Variants in XPO4 observed in about 807,000 individuals in gnomAD.
XPO4 encodes the protein exportin-4.
In XPO4, 39 loss-of-function variants were observed where a neutral mutation model predicts 143.0. That is an observed-to-expected ratio of 0.27 (90% CI 0.21 to 0.36). The LOEUF (loss-of-function observed/expected upper bound fraction) is 0.36. Among genes scored for constraint, XPO4 ranks in the 10% least tolerant of loss-of-function variants. XPO4 has a pLI of 1.00. For synonymous variants in XPO4, 439 were observed against 474.0 expected (o/e 0.93, Z 0.96); for missense variants, 907 against 1,348.0 (o/e 0.67, Z 5.12).
At chr13:20,832,344 T>A (rs1404075333) in intron 6 of XPO4, among the ~76,000 whole-genome samples, 1 of 152,188 alleles carries the variant, frequency 6.6e-6, no homozygotes, top group Non-Finnish European at 1.5e-5. Flanking sequence ...GCAATTAAGT[T>A]TATCCACTAA....
chr13:20,787,302 T>G (rs1317498671), intron 21 of XPO4, among the ~76,000 whole-genome samples, 179 bp downstream of exon 21: 3 of 152,074 alleles, frequency 2.0e-5, no homozygotes, highest in Non-Finnish European at 4.4e-5. Flanking sequence ...ACACAAAAAA[T>G]AGAGGATGAG....
intron 4 of XPO4, among the ~76,000 whole-genome samples, chr13:20,846,685 C>T (rs1266237353): frequency 6.6e-6 from 1 of 152,030 alleles, no homozygotes; most frequent in Non-Finnish European, 1.5e-5. Flanking sequence ...CGTAGAAAAG[C>T]ACAACGAAAA....
Position 20,902,713 on chromosome 13 carries a change from G to T in XPO4, c.26C>A (p.Pro9Gln), listed in dbSNP as rs780029682. Residue 9 changes from proline to glutamine, a missense_variant, in exon 1 of 23, where the codon CCA (proline) becomes CAA (glutamine). Pro to Gln is a moderately conservative substitution (Grantham distance 76). Coordinates refer to ENST00000255305, the MANE Select transcript of XPO4 (RefSeq NM_022459.5). ...GTTCTCCAGCTGAGCGATCACTTCTGGGGGCCCCAGCGCCGCCGCCATCAT... is the reference window on the plus strand; with the variant it reads ...GTTCTCCAGCTGAGCGATCACTTCTTGGGGCCCCAGCGCCGCCGCCATCAT... MMAAALGP[P>Q]EVIAQLENAA... The T allele has an allele frequency of 6.4e-7, 1 of 1,566,170 alleles. No homozygotes were observed. Among genetic ancestry groups the T allele is most frequent in the South Asian group, 1.2e-5 (1 of 86,396 alleles).
chr13:20,852,672 A>T, intron 4 of XPO4: 1 of 975,180 alleles, frequency 1.0e-6, no homozygotes, highest in Middle Eastern at 5.3e-4. Flanking sequence ...ATTTATGGCA[A>T]CATGGAAAAT....
chr13:20,844,013 T>G (rs767603140), intron 4 of XPO4, 127 bp from the exon 5 acceptor site: 28 of 692,182 alleles, frequency 4.0e-5, no homozygotes, highest in Non-Finnish European at 7.0e-5. Flanking sequence ...TCTTTAGATC[T>G]TATAACAACT....
intron 4 of XPO4, chr13:20,851,201 T>C (rs1167096317): frequency 4.1e-6 from 4 of 985,326 alleles, no homozygotes; most frequent in Non-Finnish European, 4.8e-6. Context: ...AACTTCATTT[T>C]TTAGGCCTTC....
intron 4 of XPO4, among the ~76,000 whole-genome samples, chr13:20,850,544 A>G (rs1195542403): frequency 6.6e-6 from 1 of 152,250 alleles, no homozygotes; most frequent in East Asian, 1.9e-4. Context: ...CAGGAGGATC[A>G]CCTTGAGGTC....
At chr13:20,866,135 C>T in intron 2 of XPO4, 1 of 985,084 alleles carries the variant, frequency 1.0e-6, no homozygotes, top group Non-Finnish European at 1.2e-6. Flanking sequence ...AACATTTGAT[C>T]CTAAAAAATT....
chr13:20,834,289 G>A (rs75092421), intron 6 of XPO4, among the ~76,000 whole-genome samples: 2 of 152,150 alleles, frequency 1.3e-5, no homozygotes, highest in African/African-American at 4.8e-5. Context: ...CAGGATACAA[G>A]ATCAACATAC....
chr13:20,801,305 A>G (rs1297782913), intron 13 of XPO4, among the ~76,000 whole-genome samples: 4 of 152,248 alleles, frequency 2.6e-5, no homozygotes, highest in African/African-American at 7.2e-5. Context: ...GATTTTCAGG[A>G]GAAATACATC....
chr13:20,888,573 T>C (rs769066883), intron 1 of XPO4, among the ~76,000 whole-genome samples: 5 of 152,138 alleles, frequency 3.3e-5, no homozygotes, highest in Non-Finnish European at 7.4e-5. Flanking sequence ...CCCACTCTAG[T>C]CTCAAACTCC....
At chr13:20,826,833 G>T (rs948898882) in intron 7 of XPO4, among the ~76,000 whole-genome samples, 1 of 152,180 alleles carries the variant, frequency 6.6e-6, no homozygotes, top group Admixed American at 6.5e-5. Context: ...GAGGGGTCCT[G>T]AAATTAAAAG....
intron 1 of XPO4, among the ~76,000 whole-genome samples, chr13:20,891,746 C>T (rs1342570349): frequency 1.3e-5 from 2 of 151,732 alleles, no homozygotes; most frequent in Non-Finnish European, 2.9e-5. Context: ...GCCTGTAGTC[C>T]CAGCTACTCG....
In XPO4 at chr13:20,888,856, G is replaced by A. The variant is rs1342336047; in HGVS notation, c.69+13814C>T. ...TCGCTCTTGTTGCCCAAGCTGGAGTGCAATGGTGCAATCTCGGCTCACTGC... is the reference window on the plus strand; with the variant it reads ...TCGCTCTTGTTGCCCAAGCTGGAGTACAATGGTGCAATCTCGGCTCACTGC... On this transcript the variant is annotated intron_variant, in intron 1 of 22. Coordinates refer to ENST00000255305, the MANE Select transcript of XPO4 (RefSeq NM_022459.5). 2.0e-5 allele frequency among the ~76,000 whole-genome samples: 3 copies of A among 151,788 alleles called. No homozygotes were observed. The East Asian group carries it at 5.8e-4, about 29-fold the overall frequency.
At chr13:20,784,137 T>A (rs2059171788) in intron 22 of XPO4, among the ~76,000 whole-genome samples, 1 of 152,240 alleles carries the variant, frequency 6.6e-6, no homozygotes, top group African/African-American at 2.4e-5. Flanking sequence ...GTACTGTTTC[T>A]ATTCCCATTC....
chr13:20,837,563 G>A (rs748652008), intron 6 of XPO4, among the ~76,000 whole-genome samples: 2 of 152,056 alleles, frequency 1.3e-5, no homozygotes, highest in Non-Finnish European at 2.9e-5. Context: ...GTGCCACCAT[G>A]CCTGGCTAAT....
chr13:20,828,248 CAAACAAACAAA>C (rs545739895), intron 6 of XPO4, among the ~76,000 whole-genome samples: 176 of 152,136 alleles, frequency 1.2e-3, no homozygotes, highest in African/African-American at 4.0e-3. Context: ...TCAAAACAAA[CAAACAAACAAA>C]AAACAGTGGT....
At chr13:20,856,683 A>C in intron 3 of XPO4, 1 of 224,850 alleles carries the variant, frequency 4.4e-6, no homozygotes. Context: ...AAAGTGTCCC[A>C]GTTTGGAGAC....
intron 2 of XPO4, chr13:20,866,175 G>C: frequency 2.0e-6 from 2 of 985,292 alleles, no homozygotes; most frequent in Non-Finnish European, 2.4e-6. Flanking sequence ...GACTTCTGAA[G>C]TGAAGAAGTC....
Sources: allele counts gnomAD v4.1 joint callset (sites outside exome capture counted in the v4.1 genomes callset), GRCh38; gene constraint gnomAD v4.1.1; transcripts MANE v1.5; gene names NCBI Gene and HGNC (gene_info 2026-07-23, HGNC 2026-07-21).